Variants in GBP3 observed in about 807,000 individuals in gnomAD.
GBP3 encodes the protein guanylate binding protein 3, also known as guanylate-binding protein 3.
GBP3 carries 55 observed loss-of-function variants against 62.4 expected under a neutral mutation model. The observed-to-expected ratio is 0.88, with a 90% CI of 0.71 to 1.10. The LOEUF (loss-of-function observed/expected upper bound fraction) is 1.10, where lower values mean the gene tolerates loss of function less well. Among genes scored for constraint, GBP3 ranks in the 50% least tolerant of loss-of-function variants. The pLI, the probability that GBP3 is intolerant of heterozygous loss-of-function variation, is 0.00. For synonymous variants in GBP3, 208 were observed against 259.2 expected, an observed-to-expected ratio of 0.80 and a Z score of 1.90; for missense variants, 605 against 690.6, an observed-to-expected ratio of 0.88 and a Z score of 1.39.
At chr1:89,018,288 G>T (rs1231249606) in intron 2 of GBP3, among the ~76,000 whole-genome samples, 1 of 152,156 alleles carries the variant, frequency 6.6e-6, no homozygotes, top group African/African-American at 2.4e-5. Flanking sequence ...AGTCAGGGAG[G>T]TTTCACATCA....
At chr1:89,007,931 G>T in intron 10 of GBP3, 79 bp from the exon 11 acceptor site, 9 of 1,321,022 alleles carry the variant, frequency 6.8e-6, no homozygotes, top group East Asian at 4.8e-5. Context: ...CACATGCATT[G>T]ATTTATTTAG....
rs143293057 is a variant in GBP3 at position 89,009,486 on chromosome 1, C to G, written c.1371G>C (p.Glu457Asp). Residue 457 changes from glutamate to aspartate, a missense_variant, in exon 9 of 11, where the codon GAG (glutamate) becomes GAC (aspartate). Physicochemically the swap from Glu to Asp is conservative, Grantham distance 45. Transcript: ENST00000370481. ...EEPRKGIQAE[E>D]ILQTYLKSKE... ...TGGATTTCAAGTATGTCTGCAGAAT[C>G]TCTTCAGCCTTAGGACCCAGAGAAC... 8.3e-4 allele frequency: 1,334 copies of G among 1,614,096 alleles called. 3 individuals are homozygous for G. Among genetic ancestry groups the G allele is most frequent in the Middle Eastern group, 3.6e-3 (22 of 6,060 alleles).
chr1:89,018,166 A>C (rs1678988622), intron 2 of GBP3, among the ~76,000 whole-genome samples: 1 of 152,244 alleles, frequency 6.6e-6, no homozygotes, highest in Non-Finnish European at 1.5e-5. Context: ...GATTATTGTA[A>C]ATACAAAATT....
intron 6 of GBP3, among the ~76,000 whole-genome samples, chr1:89,012,661 T>G (rs1678632316): frequency 7.2e-6 from 1 of 138,678 alleles, no homozygotes; most frequent in African/African-American, 2.5e-5. Flanking sequence ...TACTGTACAG[T>G]GCAGGCCCAG....
intron 6 of GBP3, among the ~76,000 whole-genome samples, chr1:89,012,969 C>G (rs1271354058): frequency 6.6e-6 from 1 of 150,878 alleles, no homozygotes; most frequent in African/African-American, 2.4e-5. Context: ...TCCCAAGTAG[C>G]TGGGATTACA....
rs1570882621 is a variant in GBP3 at position 89,008,104 on chromosome 1, T to TTA, written c.1660-253_1660-252insTA. Among the ~76,000 whole-genome samples, 4 of 152,228 alleles carry TTA rather than the reference T, an allele frequency of 2.6e-5. No individual in the cohort carries two copies. In the East Asian group the frequency reaches 5.8e-4, roughly 22 times the overall value. The stretch of plus-strand genomic sequence containing the variant: ...GAAGGTCTTGCTTTTTTCCCCCTAT[T>TTA]AATTATACAAAACCTTTGTGGGAAA... On this transcript the variant is annotated intron_variant, in intron 10 of 10. Coordinates refer to ENST00000370481, the MANE Select transcript of GBP3 (RefSeq NM_018284.3).
intron 10 of GBP3, among the ~76,000 whole-genome samples, chr1:89,008,488 G>C (rs571416675): frequency 7.5e-5 from 11 of 146,374 alleles, no homozygotes; most frequent in Non-Finnish European, 1.2e-4. Context: ...TTCTCTTAGA[G>C]CCAAAGTCAT....
rs768377695 is a variant in GBP3, at chr1:89,011,984, T to G, written c.912A>C (p.Arg304Ser). The G allele has an allele frequency of 6.8e-7, 1 of 1,462,480 alleles. No homozygotes were observed. Among genetic ancestry groups the G allele is most frequent in the Non-Finnish European group, 9.5e-7 (1 of 1,055,290 alleles). 90.6% of individuals were successfully genotyped at this position (1,462,480 alleles called of 1,614,324 possible). A position where few individuals can be genotyped will look rare whatever the true frequency, so the allele number is the denominator to read the frequency against. ...LVLTYINAIS[R>S]GDLPCMENAV... ...CGTTCTCCATGCAGGGCAGATCCCC[T>G]CTGCTGATAGCATTGATATAGGTCA... The change falls in exon 7 of 11, where the codon AGA becomes AGC. Residue 304 changes from arginine to serine, a missense_variant. Coordinates refer to ENST00000370481, the MANE Select transcript of GBP3 (RefSeq NM_018284.3).
chr1:89,015,708 C>T lies in GBP3; in HGVS notation c.191-294G>A, dbSNP rs371140619. ...GCAGTGAGCTGAGATAGCACCACTG[C>T]ACTCCAGCCTGGGCAACAGAGCGAG... is the stretch of plus-strand genomic sequence containing the variant. On this transcript the variant is annotated intron_variant, in intron 2 of 10. Transcript: ENST00000370481. 1.2e-4 allele frequency among the ~76,000 whole-genome samples: 16 copies of T among 138,896 alleles called. 2 individuals carry two copies. The highest frequency in any genetic ancestry group is 1.5e-4 in the Admixed American group (2 of 13,400). 91.1% of individuals were successfully genotyped at this position (138,896 alleles called of 152,430 possible).
At chr1:89,018,188 T>G (rs1445305619) in intron 2 of GBP3, among the ~76,000 whole-genome samples, 1 of 152,232 alleles carries the variant, frequency 6.6e-6, no homozygotes. Context: ...CATGCAGGAT[T>G]GTGCAAAGAC....
At position 89,011,616 on chromosome 1, in the gene GBP3, T is replaced by G. The variant is rs1175896943; in HGVS notation, c.1149+131A>C. 1.8e-6 allele frequency: 2 copies of G among 1,120,116 alleles called. 1 individual carries two copies. Among genetic ancestry groups the G allele is most frequent in the Non-Finnish European group, 2.5e-6 (2 of 796,650 alleles). 69.4% of individuals were successfully genotyped at this position (1,120,116 alleles called of 1,614,324 possible). ...ATTGTTTTTGTCTGATTATTATGAT[T>G]ACCAAGAACTAGTTGTCACCATTTT... On this transcript the variant is annotated intron_variant, in intron 7 of 10. Transcript: ENST00000370481.
At chr1:89,020,130 T>G (rs1679096859) in intron 2 of GBP3, 5 of 351,774 alleles carry the variant, frequency 1.4e-5, no homozygotes, top group South Asian at 1.2e-4. Flanking sequence ...TCCTACCTAC[T>G]CAGGAGGCTG....
rs201675204 is a variant in GBP3, at chr1:89,011,001, G to A, written c.1265C>T (p.Ala422Val). The A allele has an allele frequency of 1.1e-5, 16 of 1,461,560 alleles. 3 individuals carry two copies. The highest frequency in any genetic ancestry group is 9.3e-5 in the East Asian group (4 of 43,204). The allele number at this position is 1,461,560 out of a possible 1,614,324, so 90.5% of individuals were successfully genotyped here. ...IFSPLEEEVK[A>V]GIYSKPGGYC... ...GCCCCCTGGTTTCGAATAAATTCCC[G>A]CCTTCACTTCTTCTTCTAGAGGACT... Residue 422 changes from alanine (A) to valine (V), a missense_variant, in exon 8 of 11, where the codon GCG (alanine) becomes GTG (valine). By Grantham distance (64) the Ala-to-Val change is moderately conservative. Around this residue, in one of 3 missense-constraint regions of GBP3, gnomAD observed 137 missense variants for 224.7 expected, o/e 0.61. Transcript: ENST00000370481.
rs777537922 is a variant in GBP3, at chr1:89,015,417, G to A, written c.191-3C>T. On this transcript the variant is annotated splice_region_variant and splice_polypyrimidine_tract_variant and intron_variant, in intron 2 of 10. Coordinates refer to ENST00000370481, the MANE Select transcript of GBP3 (RefSeq NM_018284.3). ...CACTGTGGAGCCCAGAGAGAAGCCT[G>A]TAAAGGAGAGATGGGATAAGAAGGG... 3.7e-6 allele frequency: 6 copies of A among 1,610,484 alleles called. No individual in the cohort carries two copies. In the Admixed American group the frequency reaches 6.8e-5, roughly 18 times the overall value.
In GBP3 at chr1:89,017,318, C is replaced by CA. The variant is rs748588789; in HGVS notation, c.191-1905dup. On this transcript the variant is annotated intron_variant, in intron 2 of 10. Coordinates refer to ENST00000370481, the MANE Select transcript of GBP3 (RefSeq NM_018284.3). Reference sequence around the variant, plus strand: ...ACTGGATATTCACATGCTCACATGCCAAAAAAAAAAAAAAAGTTGGACTGT... The same window carrying CA: ...ACTGGATATTCACATGCTCACATGCCAAAAAAAAAAAAAAAAGTTGGACTGT... Among the ~76,000 whole-genome samples, 927 of 96,310 alleles carry CA rather than the reference C, an allele frequency of 9.6e-3. 4 individuals are homozygous for CA. The highest frequency in any genetic ancestry group is 0.029 in the African/African-American group (740 of 25,674). The allele number at this position is 96,310 out of a possible 152,430, so 63.2% of individuals were successfully genotyped here. A position where few individuals can be genotyped will look rare whatever the true frequency, so the allele number is the denominator to read the frequency against.
chr1:89,010,135 T>G (rs1210129147), intron 8 of GBP3, among the ~76,000 whole-genome samples: 2 of 151,986 alleles, frequency 1.3e-5, no homozygotes, highest in Non-Finnish European at 2.9e-5. Flanking sequence ...TTTTTTTTTT[T>G]TTTTTGAGAC....
chr1:89,020,524 C>A lies in GBP3; in HGVS notation c.190+8G>T. Reference sequence around the variant, plus strand: ...GGGACTTGGCAGAGCTTTGCTCATGCCACTCACCCTTATTCTTCCCAGCTA... The same window carrying A: ...GGGACTTGGCAGAGCTTTGCTCATGACACTCACCCTTATTCTTCCCAGCTA... On this transcript the variant is annotated splice_region_variant and intron_variant, in intron 2 of 10. Coordinates refer to ENST00000370481, the MANE Select transcript of GBP3 (RefSeq NM_018284.3). The A allele has an allele frequency of 1.2e-6, 2 of 1,614,110 alleles. No individual in the cohort carries two copies. Among genetic ancestry groups the A allele is most frequent in the Middle Eastern group, 1.7e-4 (1 of 6,060 alleles).
intron 4 of GBP3, 63 bp downstream of exon 4, chr1:89,014,484 G>A: frequency 6.2e-7 from 1 of 1,613,988 alleles, no homozygotes; most frequent in South Asian, 1.1e-5. Context: ...CAGTCAGGCA[G>A]CTGGTTTATG....
chr1:89,013,735 C>T (rs958896523), intron 5 of GBP3: 1 of 401,014 alleles, frequency 2.5e-6, no homozygotes, highest in African/African-American at 2.0e-5. Flanking sequence ...TATCCATTGT[C>T]CTTCATATTT....
Sources: gnomAD v4.1 joint callset for allele counts (sites outside exome capture counted in the v4.1 genomes callset) on GRCh38, gnomAD v4.1.1 for gene constraint, gnomAD v4.1.1 regional missense constraint, MANE v1.5 for transcripts, NCBI Gene and HGNC (gene_info 2026-07-23, HGNC 2026-07-21) for gene names.